The following TOLLIP variants were observed in gnomAD, a reference collection of about 807,000 sequenced individuals.
The protein encoded by TOLLIP is toll-interacting protein.
A neutral mutation model predicts 33.5 loss-of-function variants in TOLLIP; 16 were observed. That is an observed-to-expected ratio of 0.48 (90% CI 0.32 to 0.72). The LOEUF (loss-of-function observed/expected upper bound fraction) is 0.72, where lower values mean the gene tolerates loss of function less well. TOLLIP is among the 30% of genes least tolerant of loss of function. The probability of loss-of-function intolerance (pLI) is 0.03; values close to 1 mark genes in which losing one functional copy is unlikely to be tolerated. For synonymous variants in TOLLIP, 176 were observed against 163.7 expected, an observed-to-expected ratio of 1.07 and a Z score of -0.57; for missense variants, 325 against 396.6, an observed-to-expected ratio of 0.82 and a Z score of 1.53.
intron 2 of TOLLIP, among the ~76,000 whole-genome samples, chr11:1,292,793 C>A (rs2133910876): frequency 6.6e-6 from 1 of 152,372 alleles, no homozygotes; most frequent in African/African-American, 2.4e-5. Flanking sequence ...GCGCGGCAGA[C>A]ACACAGCGCA....
In TOLLIP at chr11:1,280,978, T is replaced by C. The variant is rs1341470534; in HGVS notation, c.611-3725A>G. 2.0e-5 allele frequency among the ~76,000 whole-genome samples: 3 copies of C among 152,312 alleles called. No homozygotes were observed. In the East Asian group the frequency reaches 5.8e-4, roughly 29 times the overall value. ...CGGGAAATTGAGCAGTTGGCTGCTG[T>C]TGCCAGCCTGGCGGAGAGTCTCTGT... On this transcript the variant is annotated intron_variant, in intron 5 of 5. Transcript: ENST00000317204.
In TOLLIP at chr11:1,277,411, A is replaced by G. The variant is rs1409109818; in HGVS notation, c.611-158T>C. ...CACCAGTCCCGCAAGACACCCTGGA[A>G]AGGCAAACCCCCAAACAGCAACCCC... On this transcript the variant is annotated intron_variant, in intron 5 of 5. Coordinates refer to ENST00000317204, the MANE Select transcript of TOLLIP (RefSeq NM_019009.4). This position sits in a 1 kb window ranked among gnomAD's most constrained non-coding sequence, Gnocchi z 4.2. Among the ~76,000 whole-genome samples, 1 of 152,180 alleles carries G rather than the reference A, an allele frequency of 6.6e-6. No homozygotes were observed. Among genetic ancestry groups the G allele is most frequent in the East Asian group, 1.9e-4 (1 of 5,198 alleles).
At chr11:1,287,388 T>TCCCCGCCGCAGCCTCCCC (rs1863751735) in intron 4 of TOLLIP, among the ~76,000 whole-genome samples, 6 of 101,714 alleles carry the variant, frequency 5.9e-5, no homozygotes, top group Non-Finnish European at 4.2e-5. Flanking sequence ...AGCAGCTCCC[T>TCCCCGCCGCAGCCTCCCC]GCTGCTGCCT....
chr11:1,292,703 C>T (rs897160688), intron 2 of TOLLIP, among the ~76,000 whole-genome samples: 7 of 151,934 alleles, frequency 4.6e-5, no homozygotes, highest in Non-Finnish European at 7.4e-5. Flanking sequence ...TCCCCCACAA[C>T]GGGCAAGAGA....
intron 4 of TOLLIP, among the ~76,000 whole-genome samples, chr11:1,288,151 A>G (rs1055700136): frequency 2.0e-5 from 3 of 152,142 alleles, no homozygotes; most frequent in African/African-American, 7.2e-5. Context: ...CCCTGAGCAC[A>G]GCAGCCCCCA....
chr11:1,301,805 G>T (rs1864285838), intron 1 of TOLLIP, among the ~76,000 whole-genome samples: 3 of 152,224 alleles, frequency 2.0e-5, no homozygotes, highest in Admixed American at 6.5e-5. Flanking sequence ...GACCTGGGCT[G>T]GGCTCGTGGC....
chr11:1,287,394 T>C lies in TOLLIP; in HGVS notation c.519+1230A>G, dbSNP rs6578971. On this transcript the variant is annotated intron_variant, in intron 4 of 5. Coordinates refer to ENST00000317204, the MANE Select transcript of TOLLIP (RefSeq NM_019009.4). ...GCCCAGAAAAGCAGCTCCCTGCTGCTGCCTCCCCGCCGCAGCCTCCCCGCC... is the reference window on the plus strand; with the variant it reads ...GCCCAGAAAAGCAGCTCCCTGCTGCCGCCTCCCCGCCGCAGCCTCCCCGCC... Among the ~76,000 whole-genome samples the C allele has an allele frequency of 6.0e-4, 53 of 88,896 alleles. 2 individuals are homozygous for C. Among genetic ancestry groups the C allele is most frequent in the South Asian group, 7.6e-4 (2 of 2,626 alleles). 58.3% of individuals were successfully genotyped at this position (88,896 alleles called of 152,430 possible). A position where few individuals can be genotyped will look rare whatever the true frequency, so the allele number is the denominator to read the frequency against.
intron 1 of TOLLIP, among the ~76,000 whole-genome samples, chr11:1,299,358 G>C (rs948639441): frequency 3.3e-5 from 5 of 152,164 alleles, no homozygotes; most frequent in African/African-American, 1.2e-4. Context: ...TCAACTTAGA[G>C]CAAAGCCCTT....
chr11:1,301,394 C>T lies in TOLLIP; in HGVS notation c.34-5600G>A, dbSNP rs1050890845. Among the ~76,000 whole-genome samples, 6 of 152,176 alleles carry T rather than the reference C, an allele frequency of 3.9e-5. No individual in the cohort carries two copies. In the South Asian group the frequency reaches 6.2e-4, roughly 16 times the overall value. On this transcript the variant is annotated intron_variant, in intron 1 of 5. Transcript: ENST00000317204. ...ATCCCACACAAACGGCATCCGCAGG[C>T]GCCTGCCCACCCTCCCCACCCACCT...
At chr11:1,296,121 G>A (rs1321293296) in intron 1 of TOLLIP, among the ~76,000 whole-genome samples, 1 of 152,240 alleles carries the variant, frequency 6.6e-6, no homozygotes, top group Admixed American at 6.5e-5. Flanking sequence ...CACCATGTGT[G>A]CCCACGGCTT....
intron 4 of TOLLIP, 37 bp from the exon 5 acceptor site, chr11:1,286,129 G>A (rs1019265876): frequency 1.2e-5 from 18 of 1,508,600 alleles, no homozygotes; most frequent in Non-Finnish European, 1.5e-5. Context: ...GGTCAAGGAG[G>A]AACATCCACC....
intron 4 of TOLLIP, among the ~76,000 whole-genome samples, chr11:1,287,186 C>T (rs546400323): frequency 9.2e-5 from 14 of 152,262 alleles, no homozygotes; most frequent in South Asian, 6.2e-4. Context: ...GCACCACTGT[C>T]GTCTCTGAGT....
At chr11:1,291,455 CCCTCTG>C (rs1863938445) in intron 2 of TOLLIP, among the ~76,000 whole-genome samples, 1 of 151,478 alleles carries the variant, frequency 6.6e-6, no homozygotes, top group Admixed American at 6.6e-5. Context: ...CCCCCCGACC[CCCTCTG>C]AGGGAACGGC....
intron 5 of TOLLIP, among the ~76,000 whole-genome samples, chr11:1,284,665 C>G (rs1036149121): frequency 6.6e-6 from 1 of 152,212 alleles, no homozygotes; most frequent in African/African-American, 2.4e-5. Flanking sequence ...TGGTGGTTTT[C>G]TAAGACACTG....
rs1436706896 is a variant in TOLLIP at position 1,309,554 on chromosome 11, TCCTGCGCCCCCGCCGGAG to T, written c.-74_-57del. ...CCCGACAGTGACGCGCCGGGCGACC[TCCTGCGCCCCCGCCGGAG>T]CCTGCGACGGAGACAGTTGTCACCT... is the stretch of plus-strand genomic sequence containing the variant. On this transcript the variant is annotated 5_prime_UTR_variant, in exon 1 of 6. Coordinates refer to ENST00000317204, the MANE Select transcript of TOLLIP (RefSeq NM_019009.4). The T allele has an allele frequency of 1.7e-6, 2 of 1,148,222 alleles. No homozygotes were observed. The highest frequency in any genetic ancestry group is 2.2e-6 in the Non-Finnish European group (2 of 899,894). The allele number at this position is 1,148,222 out of a possible 1,614,324, so 71.1% of individuals were successfully genotyped here.
At chr11:1,295,945 A>C in intron 1 of TOLLIP, 151 bp from the exon 2 acceptor site, 2 of 1,061,672 alleles carry the variant, frequency 1.9e-6, no homozygotes, top group East Asian at 2.7e-5. Context: ...CCTCATCTCT[A>C]AACGGAGGGG....
intron 2 of TOLLIP, chr11:1,295,329 C>G (rs1470390334): frequency 3.9e-6 from 1 of 254,374 alleles, no homozygotes; most frequent in African/African-American, 2.2e-5. Context: ...CCGGCCGCGC[C>G]TCCTCCAGCT....
chr11:1,289,392 C>T (rs5743962), intron 3 of TOLLIP, among the ~76,000 whole-genome samples: 10 of 152,350 alleles, frequency 6.6e-5, no homozygotes, highest in African/African-American at 1.7e-4. Flanking sequence ...GCCACAGGTG[C>T]GAGGTGCCAG....
At chr11:1,297,818 C>G (rs5743930) in intron 1 of TOLLIP, among the ~76,000 whole-genome samples, 1 of 152,230 alleles carries the variant, frequency 6.6e-6, no homozygotes, top group South Asian at 2.1e-4. Context: ...TCTCTCGAGG[C>G]GCTGTACAGC....
Sources: allele counts gnomAD v4.1 joint callset (sites outside exome capture counted in the v4.1 genomes callset), GRCh38; gene constraint gnomAD v4.1.1; non-coding constraint Gnocchi (gnomAD v3.1); transcripts MANE v1.5; gene names NCBI Gene and HGNC (gene_info 2026-07-23, HGNC 2026-07-21).